Variants in B3GALT1 observed in about 807,000 individuals in gnomAD.
B3GALT1 encodes UDP-Gal:betaGlcNAc beta 1,3-galactosyltransferase, polypeptide 1.
In B3GALT1, 10 loss-of-function variants were observed where a neutral mutation model predicts 23.2. That is an observed-to-expected ratio of 0.43 (90% CI 0.27 to 0.73). The LOEUF is 0.73. B3GALT1 is among the 30% of genes least tolerant of loss of function. The pLI, the probability that B3GALT1 is intolerant of heterozygous loss-of-function variation, is 0.21. For synonymous variants in B3GALT1, 156 were observed against 141.5 expected, an observed-to-expected ratio of 1.10 and a Z score of -0.73; for missense variants, 299 against 405.4, an observed-to-expected ratio of 0.74 and a Z score of 2.25.
intron 2 of B3GALT1, among the ~76,000 whole-genome samples, chr2:167,564,575 C>T (rs943391862): frequency 9.2e-5 from 14 of 152,214 alleles, no homozygotes; most frequent in East Asian, 3.9e-4. Flanking sequence ...TGGGCACCAC[C>T]GAGCACCGAG....
At chr2:167,426,951 G>T (rs955198410) in intron 1 of B3GALT1, among the ~76,000 whole-genome samples, 10 of 152,186 alleles carry the variant, frequency 6.6e-5, no homozygotes, top group African/African-American at 2.4e-4. Context: ...TCCCAAACTG[G>T]ATTCAACCTA....
chr2:167,668,545 C>A (rs1321204324), intron 3 of B3GALT1, among the ~76,000 whole-genome samples: 2 of 152,206 alleles, frequency 1.3e-5, no homozygotes, highest in Non-Finnish European at 2.9e-5. Context: ...ACCCCTCCCC[C>A]AGCCTCGCTG....
chr2:167,558,030 G>C (rs1683885397), intron 2 of B3GALT1: 1 of 152,146 alleles, frequency 6.6e-6, no homozygotes, highest in Admixed American at 6.5e-5. Flanking sequence ...CTTGCTTCTG[G>C]ACTGGTGGTC....
At chr2:167,550,535 T>C (rs1683727083) in intron 2 of B3GALT1, among the ~76,000 whole-genome samples, 1 of 152,216 alleles carries the variant, frequency 6.6e-6, no homozygotes, top group African/African-American at 2.4e-5. Flanking sequence ...AAACCAGAGC[T>C]ACTTTTCACT....
chr2:167,655,425 CACTG>C (rs1446065159), intron 3 of B3GALT1, among the ~76,000 whole-genome samples: 1 of 152,134 alleles, frequency 6.6e-6, no homozygotes, highest in Non-Finnish European at 1.5e-5. Context: ...CCACAAATAA[CACTG>C]ACTAAATTTT....
At chr2:167,360,537 C>T (rs1697483598) in intron 1 of B3GALT1, among the ~76,000 whole-genome samples, 1 of 152,108 alleles carries the variant, frequency 6.6e-6, no homozygotes, top group African/African-American at 2.4e-5. Flanking sequence ...TCCTGGGCCT[C>T]ACTTCAGACT....
intron 3 of B3GALT1, among the ~76,000 whole-genome samples, chr2:167,732,626 C>T (rs1025788534): frequency 1.3e-5 from 2 of 152,086 alleles, no homozygotes; most frequent in African/African-American, 2.4e-5. Flanking sequence ...GCAAGGGAAA[C>T]CAATAATTGA....
intron 3 of B3GALT1, among the ~76,000 whole-genome samples, chr2:167,705,754 A>T (rs1477541694): frequency 6.6e-6 from 1 of 152,222 alleles, no homozygotes; most frequent in Non-Finnish European, 1.5e-5. Context: ...AGGACATAAA[A>T]GTCACACTCA....
chr2:167,327,703 T>C lies in B3GALT1; in HGVS notation c.-511+34369T>C, dbSNP rs530026337. ...TTGACTTCCTGTTCTCCCATGTGGA[T>C]GCTTTTTGTTTCTTTCTCTTGCTGG... is the stretch of plus-strand genomic sequence containing the variant. On this transcript the variant is annotated intron_variant, in intron 1 of 4. Coordinates refer to ENST00000392690, the MANE Select transcript of B3GALT1 (RefSeq NM_020981.4). 2.6e-5 allele frequency among the ~76,000 whole-genome samples: 4 copies of C among 152,324 alleles called. No homozygotes were observed. In the East Asian group the frequency reaches 7.7e-4, roughly 29 times the overall value.
intron 3 of B3GALT1, among the ~76,000 whole-genome samples, chr2:167,778,006 A>G (rs1345278254): frequency 6.6e-6 from 1 of 152,080 alleles, no homozygotes; most frequent in Non-Finnish European, 1.5e-5. Context: ...CAGTATCACA[A>G]AGAATTATCT....
intron 2 of B3GALT1, among the ~76,000 whole-genome samples, chr2:167,545,582 T>A (rs1683623035): frequency 6.6e-6 from 1 of 152,078 alleles, no homozygotes; most frequent in South Asian, 2.1e-4. Flanking sequence ...TCCCAGGAAG[T>A]CCAGCCAACT....
chr2:167,772,135 A>T (rs1259426999), intron 3 of B3GALT1, among the ~76,000 whole-genome samples: 1 of 152,196 alleles, frequency 6.6e-6, no homozygotes, highest in Non-Finnish European at 1.5e-5. Context: ...TGGTAAACTA[A>T]ACTATCACGT....
intron 4 of B3GALT1, among the ~76,000 whole-genome samples, chr2:167,843,426 A>G (rs546315517): frequency 1.3e-5 from 2 of 152,304 alleles, no homozygotes; most frequent in African/African-American, 4.8e-5. Context: ...ATCCCCAGAT[A>G]GGAATCCTCA....
chr2:167,783,744 C>A (rs1450604344), intron 3 of B3GALT1, among the ~76,000 whole-genome samples: 2 of 152,098 alleles, frequency 1.3e-5, no homozygotes, highest in Non-Finnish European at 2.9e-5. Context: ...ACAGTGTGCC[C>A]CTCTAGCTAA....
At chr2:167,400,052 T>G (rs928123328) in intron 1 of B3GALT1, among the ~76,000 whole-genome samples, 2 of 152,120 alleles carry the variant, frequency 1.3e-5, no homozygotes, top group Non-Finnish European at 2.9e-5. Flanking sequence ...GTATTTACTT[T>G]TGCTCATTAG....
intron 1 of B3GALT1, among the ~76,000 whole-genome samples, chr2:167,403,659 A>C (rs1249149091): frequency 6.6e-6 from 1 of 152,114 alleles, no homozygotes; most frequent in African/African-American, 2.4e-5. Context: ...GCCCTGCTCT[A>C]ATCTGCACTG....
intron 3 of B3GALT1, among the ~76,000 whole-genome samples, chr2:167,688,691 C>A (rs539648970): frequency 6.6e-6 from 1 of 152,068 alleles, no homozygotes; most frequent in Admixed American, 6.6e-5. Flanking sequence ...TCTTTATCAT[C>A]AGAGTCTTAG....
chr2:167,597,261 G>A (rs535896115), intron 2 of B3GALT1, among the ~76,000 whole-genome samples: 2 of 151,966 alleles, frequency 1.3e-5, no homozygotes, highest in South Asian at 2.1e-4. Flanking sequence ...GACTACAGGC[G>A]CCAGCCACCA....
intron 1 of B3GALT1, among the ~76,000 whole-genome samples, chr2:167,449,269 GC>G (rs1296206698): frequency 3.9e-5 from 6 of 152,126 alleles, no homozygotes; most frequent in African/African-American, 1.4e-4. Flanking sequence ...ATTTCTTTCA[GC>G]AGTGTTTTGT....
Sources: allele counts gnomAD v4.1 joint callset (sites outside exome capture counted in the v4.1 genomes callset), GRCh38; gene constraint gnomAD v4.1.1; transcripts MANE v1.5; gene names NCBI Gene and HGNC (gene_info 2026-07-23, HGNC 2026-07-21).